The following CDX2 variants were observed in gnomAD, a reference collection of about 807,000 sequenced individuals.
CDX2 encodes the protein homeobox protein CDX-2.
In CDX2, 7 loss-of-function variants were observed where a neutral mutation model predicts 25.5. The observed-to-expected ratio is 0.27, with a 90% confidence interval of 0.16 to 0.52. The LOEUF is 0.52. Ranked by LOEUF, CDX2 falls within the 20% of genes least tolerant of loss-of-function variation. The pLI, the probability that CDX2 is intolerant of heterozygous loss-of-function variation, is 0.97. For missense variants in CDX2, 375 were observed against 431.4 expected (o/e 0.87, Z 1.16); for synonymous variants, 222 against 198.6 (o/e 1.12, Z -0.99).
Position 27,962,944 on chromosome 13 carries a change from G to A in CDX2, c.*171C>T. The A allele has an allele frequency of 1.4e-6, 1 of 740,140 alleles. No homozygotes were observed. The highest frequency in any genetic ancestry group is 2.0e-6 in the Non-Finnish European group (1 of 508,270). The allele number at this position is 740,140 out of a possible 1,614,324, so 45.8% of individuals were successfully genotyped here. On this transcript the variant is annotated 3_prime_UTR_variant, in exon 3 of 3. Coordinates refer to ENST00000381020, the MANE Select transcript of CDX2 (RefSeq NM_001265.6). Reference sequence around the variant, plus strand: ...AATCTGGGAGAGTATATTTCTTGAGGCCCCAAATCCCACTTGTCTTACTCC... The same window carrying A: ...AATCTGGGAGAGTATATTTCTTGAGACCCCAAATCCCACTTGTCTTACTCC...
At position 27,962,586 on chromosome 13, in the gene CDX2, T is replaced by C. The variant is rs1011485213; in HGVS notation, c.*529A>G. ...CAGGCCACCTGGGGGTTCTGCAGTC[T>C]TTGGTCAGTCCAGCTTTCTATCTTA... On this transcript the variant is annotated 3_prime_UTR_variant, in exon 3 of 3. Coordinates refer to ENST00000381020, the MANE Select transcript of CDX2 (RefSeq NM_001265.6). The C allele has an allele frequency of 6.0e-5, 14 of 232,876 alleles. No individual in the cohort carries two copies. The highest frequency in any genetic ancestry group is 2.4e-4 in the African/African-American group (11 of 45,408). The allele number at this position is 232,876 out of a possible 1,614,324, so 14.4% of individuals were successfully genotyped here. A position where few individuals can be genotyped will look rare whatever the true frequency, so the allele number is the denominator to read the frequency against.
rs561199657 is a variant in CDX2, at chr13:27,964,035, C to CA, written c.688-667dup. ...TGTTTTTCACACTTCTTATATCCCT[C>CA]AAAAGAGAGAGACAGAAAAAATCAA... On this transcript the variant is annotated intron_variant, in intron 2 of 2. Transcript: ENST00000381020. The surrounding 1 kb of genome is among the most constrained non-coding windows in gnomAD (Gnocchi z 4.7). Among the ~76,000 whole-genome samples the CA allele has an allele frequency of 2.6e-5, 4 of 152,198 alleles. No individual in the cohort carries two copies. In the South Asian group the frequency reaches 6.2e-4, roughly 24 times the overall value.
Position 27,963,124 on chromosome 13 carries a change from G to A in CDX2, c.933C>T (p.Val311=). The A allele has an allele frequency of 6.2e-7, 1 of 1,611,886 alleles. No individual in the cohort carries two copies. The highest frequency in any genetic ancestry group is 8.5e-7 in the Non-Finnish European group (1 of 1,178,476). Residue 311 remains valine (V), a synonymous_variant, in exon 3 of 3, where the codon GTC becomes GTT. Transcript: ENST00000381020. ...GPTGGVLNPT[V]TQ is the part of the protein sequence containing the mutation. ...TGCAGAACCCGGTGGGTCACTGGGT[G>A]ACGGTGGGGTTTAGCACCCCCCCAG... is the stretch of plus-strand genomic sequence containing the variant.
chr13:27,968,946 A>G lies in CDX2; in HGVS notation c.61T>C (p.Ser21Pro). 6.2e-7 allele frequency: 1 copy of G among 1,608,470 alleles called. No individual in the cohort carries two copies. Among genetic ancestry groups the G allele is most frequent in the Non-Finnish European group, 8.5e-7 (1 of 1,179,346 alleles). The change falls in exon 1 of 3, where the codon TCT becomes CCT. Residue 21 changes from serine (S) to proline (P), a missense_variant. By Grantham distance (74) the Ser-to-Pro change is moderately conservative. Around this residue, in one of 3 missense-constraint regions of CDX2, gnomAD observed 253 missense variants for 247.5 expected, o/e 1.02. Transcript: ENST00000381020. Reference protein sequence around the residue: ...VSMYPSSVRHSGGLNLAPQNF... With the variant: ...VSMYPSSVRHPGGLNLAPQNF... ...TGCGGCGCCAGGTTGAGGCCGCCAG[A>G]GTGGCGCACGGAGCTAGGGTACATG...
In CDX2 at chr13:27,968,820, G is replaced by A; in HGVS notation, c.187C>T (p.Pro63Ser). 4 of 1,558,892 alleles carry A rather than the reference G, an allele frequency of 2.6e-6. No homozygotes were observed. The highest frequency in any genetic ancestry group is 3.5e-6 in the Non-Finnish European group (4 of 1,155,882). The stretch of plus-strand genomic sequence containing the variant: ...GCGCCATACGCTGCCGGCCAGGATG[G>A]CCCCGGGGACTGCGCGCTGTCCAAG... ...ANLDSAQSPG[P>S]SWPAAYGAPL... Residue 63 changes from proline to serine, a missense_variant, in exon 1 of 3, where the codon CCA becomes TCA. Pro to Ser is a moderately conservative substitution (Grantham distance 74). Transcript: ENST00000381020.
chr13:27,963,116 C>T lies in CDX2; in HGVS notation c.941G>A (p.Ter314=), dbSNP rs1869140213. ...TCTGCCGCTGCAGAACCCGGTGGGT[C>T]ACTGGGTGACGGTGGGGTTTAGCAC... ...GGVLNPTVTQ[*] Residue 314 remains the stop codon, a stop_retained_variant, in exon 3 of 3, where the codon TGA becomes TAA. Coordinates refer to ENST00000381020, the MANE Select transcript of CDX2 (RefSeq NM_001265.6). 1.9e-6 allele frequency: 3 copies of T among 1,610,472 alleles called. No homozygotes were observed. Among genetic ancestry groups the T allele is most frequent in the Non-Finnish European group, 1.7e-6 (2 of 1,177,528 alleles).
chr13:27,967,616 A>T (rs550249831), intron 1 of CDX2, among the ~76,000 whole-genome samples: 1 of 152,154 alleles, frequency 6.6e-6, no homozygotes, highest in East Asian at 1.9e-4. Context: ...CAAACCTAGG[A>T]TCTTTTTCAG....
chr13:27,961,842 A>AC lies in CDX2; in HGVS notation c.*1272dup, dbSNP rs898178484. The stretch of plus-strand genomic sequence containing the variant: ...GCTATGAGGGGGCCCTCTCACCCCC[A>AC]CCCCCCATAATTTCTGACTGCTGGG... On this transcript the variant is annotated 3_prime_UTR_variant, in exon 3 of 3. Coordinates refer to ENST00000381020, the MANE Select transcript of CDX2 (RefSeq NM_001265.6). Among the ~76,000 whole-genome samples the AC allele has an allele frequency of 7.3e-5, 11 of 151,708 alleles. No individual in the cohort carries two copies. The highest frequency in any genetic ancestry group is 2.2e-4 in the African/African-American group (9 of 41,274).
chr13:27,961,588 A>G lies in CDX2; in HGVS notation c.*1527T>C, dbSNP rs375928833. 3.3e-5 allele frequency among the ~76,000 whole-genome samples: 5 copies of G among 152,312 alleles called. No individual in the cohort carries two copies. In the South Asian group the frequency reaches 6.2e-4, roughly 19 times the overall value. ...GCGCGGTCGGGGATAAGGAAACTGC[A>G]AAGACAGAGAAGAGAGTGGAGGCAG... On this transcript the variant is annotated 3_prime_UTR_variant, in exon 3 of 3. Coordinates refer to ENST00000381020, the MANE Select transcript of CDX2 (RefSeq NM_001265.6).
intron 2 of CDX2, 54 bp from the exon 3 acceptor site, chr13:27,963,423 G>A (rs1037543402): frequency 1.9e-5 from 26 of 1,385,808 alleles, no homozygotes; most frequent in Non-Finnish European, 2.5e-5. Context: ...TGAGGGAAAA[G>A]AGGAACAGTA....
Position 27,968,640 on chromosome 13 carries a change from G to A in CDX2, c.367C>T (p.Pro123Ser). Reference sequence around the variant, plus strand: ...GAAGGCGCGGCGGCCGGGTGGTGCGGGTGGTGATGCGGGTGGTGGTGCGGA... The same window carrying A: ...GAAGGCGCGGCGGCCGGGTGGTGCGAGTGGTGATGCGGGTGGTGGTGCGGA... ...YHPHHHPHHH[P>S]HHPAAAPSCA... The change falls in exon 1 of 3, where the codon CCG (proline) becomes TCG (serine). Residue 123 changes from proline to serine, a missense_variant. By Grantham distance (74) the Pro-to-Ser change is moderately conservative. Around this residue, in one of 3 missense-constraint regions of CDX2, gnomAD observed 253 missense variants for 247.5 expected, o/e 1.02. Transcript: ENST00000381020. 2.0e-6 allele frequency: 3 copies of A among 1,537,784 alleles called. No individual in the cohort carries two copies. Among genetic ancestry groups the A allele is most frequent in the South Asian group, 2.4e-5 (2 of 83,882 alleles).
At chr13:27,968,364 C>T (rs1593185427) in intron 1 of CDX2, 102 bp downstream of exon 1, 5 of 1,319,134 alleles carry the variant, frequency 3.8e-6, no homozygotes, top group East Asian at 3.1e-5. Context: ...TCCCAGACAG[C>T]CCGGGACGCC....
Position 27,963,294 on chromosome 13 carries a change from G to A in CDX2, c.763C>T (p.Gln255Ter). 1.9e-6 allele frequency: 3 copies of A among 1,613,790 alleles called. No individual in the cohort carries two copies. Among genetic ancestry groups the A allele is most frequent in the Non-Finnish European group, 2.5e-6 (3 of 1,179,688 alleles). ...NKKKLQQQQQQQPPQPPPPPP... is the reference protein window; with the variant it reads ...NKKKLQQQQQ ...GGCGGAGGCGGCTGTGGTGGCTGCTGCTGCTGTTGCTGCTGCAACTTCTTC... is the reference window on the plus strand; with the variant it reads ...GGCGGAGGCGGCTGTGGTGGCTGCTACTGCTGTTGCTGCTGCAACTTCTTC... Residue 255 changes from glutamine (Q) to a stop codon, truncating the protein, a stop_gained, in exon 3 of 3, where the codon CAG (glutamine) becomes TAG (stop). Transcript: ENST00000381020. LOFTEE classifies it high-confidence loss of function.
chr13:27,965,046 ACT>A, intron 1 of CDX2, 31 bp from the exon 2 acceptor site: 1 of 1,609,178 alleles, frequency 6.2e-7, no homozygotes. Flanking sequence ...AGGGCTGAGA[ACT>A]GCAAGGCAGC....
In CDX2 at chr13:27,964,282, C is replaced by G. The variant is rs1014035593; in HGVS notation, c.687+588G>C. On this transcript the variant is annotated intron_variant, in intron 2 of 2. Transcript: ENST00000381020. The surrounding 1 kb of genome is among the most constrained non-coding windows in gnomAD (Gnocchi z 4.7). ...GGCGTGGTGGCACATGCCTGTAGTCCCAGCTATTTGGGAGGCTGAAGCAGG... is the reference window on the plus strand; with the variant it reads ...GGCGTGGTGGCACATGCCTGTAGTCGCAGCTATTTGGGAGGCTGAAGCAGG... 1.3e-5 allele frequency among the ~76,000 whole-genome samples: 2 copies of G among 152,108 alleles called. No individual in the cohort carries two copies. Among genetic ancestry groups the G allele is most frequent in the Non-Finnish European group, 2.9e-5 (2 of 68,022 alleles).
rs572738024 is a variant in CDX2 at position 27,964,779 on chromosome 13, A to C, written c.687+91T>G. On this transcript the variant is annotated intron_variant, in intron 2 of 2. Coordinates refer to ENST00000381020, the MANE Select transcript of CDX2 (RefSeq NM_001265.6). The surrounding 1 kb of genome is among the most constrained non-coding windows in gnomAD (Gnocchi z 4.7). ...CATCCTCCTGCTTCAGTCTCTCCAC[A>C]GATTTAGATGGCCCCTGCAGCCAGA... is the stretch of plus-strand genomic sequence containing the variant. 17 of 1,198,514 alleles carry C rather than the reference A, an allele frequency of 1.4e-5. No individual in the cohort carries two copies. The highest frequency in any genetic ancestry group is 1.9e-5 in the Non-Finnish European group (16 of 831,952). 74.2% of individuals were successfully genotyped at this position (1,198,514 alleles called of 1,614,324 possible). A position where few individuals can be genotyped will look rare whatever the true frequency, so the allele number is the denominator to read the frequency against.
rs1171648972 is a variant in CDX2 at position 27,968,926 on chromosome 13, C to T, written c.81G>A (p.Ala27=). 4.4e-6 allele frequency: 7 copies of T among 1,608,536 alleles called. No homozygotes were observed. Among genetic ancestry groups the T allele is most frequent in the East Asian group, 4.5e-5 (2 of 44,768 alleles). ...GCGGGGGGCTGACGAAGTTCTGCGG[C>T]GCCAGGTTGAGGCCGCCAGAGTGGC... The part of the protein sequence containing the change: ...SVRHSGGLNL[A]PQNFVSPPQY... The change falls in exon 1 of 3, where the codon GCG becomes GCA. Residue 27 remains alanine (A), a synonymous_variant. Coordinates refer to ENST00000381020, the MANE Select transcript of CDX2 (RefSeq NM_001265.6).
chr13:27,968,619 G>C lies in CDX2; in HGVS notation c.388C>G (p.Pro130Ala), dbSNP rs1379964377. ...TGCAGCAGCCCAGAAGCGCAGGAAGGCGCGGCGGCCGGGTGGTGCGGGTGG... is the reference window on the plus strand; with the variant it reads ...TGCAGCAGCCCAGAAGCGCAGGAAGCCGCGGCGGCCGGGTGGTGCGGGTGG... The part of the protein sequence containing the change: ...HHHPHHPAAA[P>A]SCASGLLQTL... The change falls in exon 1 of 3, where the codon CCT becomes GCT. Residue 130 changes from proline to alanine, a missense_variant. Physicochemically the swap from Pro to Ala is conservative, Grantham distance 27 (BLOSUM62 -1). Around this residue, in one of 3 missense-constraint regions of CDX2, gnomAD observed 253 missense variants for 247.5 expected, o/e 1.02. Coordinates refer to ENST00000381020, the MANE Select transcript of CDX2 (RefSeq NM_001265.6). 3 of 1,551,410 alleles carry C rather than the reference G, an allele frequency of 1.9e-6. No homozygotes were observed. The Admixed American group carries it at 5.7e-5, about 29-fold the overall frequency.
At position 27,961,970 on chromosome 13, in the gene CDX2, A is replaced by G. The variant is rs546080918; in HGVS notation, c.*1145T>C. Among the ~76,000 whole-genome samples, 3 of 152,250 alleles carry G rather than the reference A, an allele frequency of 2.0e-5. No homozygotes were observed. Among genetic ancestry groups the G allele is most frequent in the Non-Finnish European group, 4.4e-5 (3 of 68,028 alleles). Reference sequence around the variant, plus strand: ...GCTTGGGGGCAGGGAAGGTCTCAGAACCTGCTCTTTCAGGCTTCTGATGCT... The same window carrying G: ...GCTTGGGGGCAGGGAAGGTCTCAGAGCCTGCTCTTTCAGGCTTCTGATGCT... On this transcript the variant is annotated 3_prime_UTR_variant, in exon 3 of 3. Transcript: ENST00000381020.
Sources: allele counts gnomAD v4.1 joint callset (sites outside exome capture counted in the v4.1 genomes callset), GRCh38; gene constraint gnomAD v4.1.1; regional missense constraint gnomAD v4.1.1; non-coding constraint Gnocchi (gnomAD v3.1); transcripts MANE v1.5; gene names NCBI Gene and HGNC (gene_info 2026-07-23, HGNC 2026-07-21).